The following CCDC30 variants were observed in gnomAD, a reference collection of about 807,000 sequenced individuals.
CCDC30 encodes coiled-coil domain-containing protein 30.
A neutral mutation model predicts 100.2 loss-of-function variants in CCDC30; 70 were observed. That is an observed-to-expected ratio of 0.70 (90% CI 0.58 to 0.85). CCDC30 has a LOEUF of 0.85. Ranked by LOEUF, CCDC30 falls within the 40% of genes least tolerant of loss-of-function variation. The probability of loss-of-function intolerance (pLI) is 0.00; values close to 1 mark genes in which losing one functional copy is unlikely to be tolerated. For synonymous variants in CCDC30, 233 were observed against 269.5 expected (o/e 0.86, Z 1.33); for missense variants, 652 against 771.2 (o/e 0.85, Z 1.83).
At chr1:42,501,989 C>T (rs966648507) in intron 6 of CCDC30, among the ~76,000 whole-genome samples, 2 of 152,250 alleles carry the variant, frequency 1.3e-5, no homozygotes, top group Non-Finnish European at 2.9e-5. Flanking sequence ...AGCTGTCAGA[C>T]AGGGACGTTT....
upstream of CCDC30, chr1:42,460,281 G>A (rs1468836811): frequency 9.9e-7 from 1 of 1,012,126 alleles, no homozygotes; most frequent in Non-Finnish European, 1.2e-6. Flanking sequence ...TTGGTTGAAT[G>A]CCTATGTATG....
chr1:42,636,965 CAAAAAAAAAA>C (rs1166253995), intron 11 of CCDC30, among the ~76,000 whole-genome samples: 384 of 29,520 alleles, frequency 0.013, 6 homozygotes, highest in African/African-American at 0.038. Flanking sequence ...GACTCCATCT[CAAAAAAAAAA>C]AAAAAAAAAA....
At chr1:42,546,893 A>G (rs1305700366) in intron 6 of CCDC30, among the ~76,000 whole-genome samples, 1 of 152,206 alleles carries the variant, frequency 6.6e-6, no homozygotes, top group African/African-American at 2.4e-5. Flanking sequence ...GAACTAAATA[A>G]TCAAAAGGAA....
intron 1 of CCDC30, among the ~76,000 whole-genome samples, chr1:42,476,618 A>T (rs1643884400): frequency 6.6e-6 from 1 of 151,448 alleles, no homozygotes; most frequent in African/African-American, 2.4e-5. Context: ...TGAACCTGGG[A>T]GGCAGAGGTT....
intron 16 of CCDC30, 26 bp downstream of exon 20, chr1:42,653,469 T>G: frequency 7.0e-7 from 1 of 1,431,452 alleles, no homozygotes; most frequent in South Asian, 1.2e-5. Context: ...ACAAATAAAG[T>G]CAAGTCTATC....
intron 16 of CCDC30, 148 bp downstream of exon 20, chr1:42,653,591 A>C: frequency 1.5e-6 from 1 of 649,796 alleles, no homozygotes; most frequent in African/African-American, 1.8e-5. Context: ...GAATTATTTG[A>C]ATCTTCTTCC....
At chr1:42,523,404 T>C (rs1275625165) in intron 6 of CCDC30, among the ~76,000 whole-genome samples, 3 of 152,220 alleles carry the variant, frequency 2.0e-5, no homozygotes, top group African/African-American at 7.2e-5. Flanking sequence ...ATTTAGAATA[T>C]TTCAGCCCAC....
At chr1:42,614,460 T>C (rs534342383) in intron 11 of CCDC30, among the ~76,000 whole-genome samples, 1 of 151,914 alleles carries the variant, frequency 6.6e-6, no homozygotes, top group South Asian at 2.1e-4. Context: ...TTTTGACAAA[T>C]GTTTGTGCCC....
intron 10 of CCDC30, among the ~76,000 whole-genome samples, chr1:42,610,016 A>T (rs6600414): frequency 6.6e-6 from 1 of 152,206 alleles, no homozygotes; most frequent in Admixed American, 6.5e-5. Flanking sequence ...CTCATAGAAG[A>T]TCTGTGGTTC....
At chr1:42,585,672 T>C (rs1326110240) in intron 9 of CCDC30, among the ~76,000 whole-genome samples, 4 of 152,160 alleles carry the variant, frequency 2.6e-5, no homozygotes, top group African/African-American at 9.7e-5. Context: ...TTATAATATA[T>C]GCATGTAATG....
rs763421494 is a variant in CCDC30, at chr1:42,581,416, T to C, written c.903T>C (p.Thr301=). 9.9e-6 allele frequency: 16 copies of C among 1,613,850 alleles called. No homozygotes were observed. In the Admixed American group the frequency reaches 2.2e-4, roughly 22 times the overall value. Residue 301 remains threonine (T), a synonymous_variant, in exon 9 of 17, where the codon ACT becomes ACC. Transcript: ENST00000668663. ...CTCATAAAGTCTGTCTCACAGACAC[T>C]TGTATTTCAGAGAAGCAGCAGCTAG...
chr1:42,551,492 A>G (rs1645250862), intron 6 of CCDC30, among the ~76,000 whole-genome samples: 3 of 152,150 alleles, frequency 2.0e-5, no homozygotes, highest in African/African-American at 7.2e-5. Flanking sequence ...TTTGAGAGTC[A>G]TGGTGGGTTT....
intron 6 of CCDC30, 91 bp downstream of exon 9, chr1:42,545,670 G>T: frequency 8.6e-7 from 1 of 1,166,716 alleles, no homozygotes; most frequent in East Asian, 2.7e-5. Flanking sequence ...CATTCGGCTG[G>T]GTGCAGTGGC....
chr1:42,549,510 A>G (rs889593876), intron 6 of CCDC30, among the ~76,000 whole-genome samples: 3 of 152,144 alleles, frequency 2.0e-5, no homozygotes, highest in Admixed American at 6.5e-5. Flanking sequence ...CTTGGGTTCT[A>G]GGTCACTTTC....
intron 11 of CCDC30, among the ~76,000 whole-genome samples, chr1:42,613,576 G>A (rs960475961): frequency 6.6e-6 from 1 of 152,158 alleles, no homozygotes; most frequent in African/African-American, 2.4e-5. Flanking sequence ...TTCTGGGAAG[G>A]GGACAGGAAT....
chr1:42,656,862 TAG>T (rs1484380905), downstream of CCDC30, among the ~76,000 whole-genome samples: 1 of 152,204 alleles, frequency 6.6e-6, no homozygotes, highest in African/African-American at 2.4e-5. Context: ...TTATTTTCAC[TAG>T]AGGTTTATCA....
chr1:42,482,866 G>C, intron 3 of CCDC30, 50 bp downstream of exon 3: 1 of 1,141,214 alleles, frequency 8.8e-7, no homozygotes, highest in Non-Finnish European at 1.1e-6. Context: ...TAACTGTACT[G>C]ATCTCATCTC....
intron 6 of CCDC30, among the ~76,000 whole-genome samples, chr1:42,522,049 G>A (rs1249728208): frequency 2.0e-5 from 3 of 151,816 alleles, no homozygotes; most frequent in Admixed American, 6.6e-5. Context: ...AAATGGTGTA[G>A]GTATTTGCAT....
intron 10 of CCDC30, among the ~76,000 whole-genome samples, chr1:42,601,269 A>G (rs1266491057): frequency 6.6e-6 from 1 of 152,236 alleles, no homozygotes; most frequent in Non-Finnish European, 1.5e-5. Context: ...CATTTATAGC[A>G]TTGAATGCAT....
Sources: gnomAD v4.1 joint callset for allele counts (sites outside exome capture counted in the v4.1 genomes callset) on GRCh38, gnomAD v4.1.1 for gene constraint, MANE v1.5 for transcripts, NCBI Gene and HGNC (gene_info 2026-07-23, HGNC 2026-07-21) for gene names.